The following DFFB variants were observed in gnomAD, a reference collection of about 807,000 sequenced individuals.
DFFB encodes DNA fragmentation factor 40 kDa subunit.
A neutral mutation model predicts 32.7 loss-of-function variants in DFFB; 29 were observed. The ratio of observed to expected loss-of-function variants is 0.89; its 90% CI spans 0.66 to 1.21. DFFB has a LOEUF of 1.21. DFFB is among the 50% of genes most tolerant of loss of function. The pLI is 0.00. For synonymous variants in DFFB, 170 were observed against 177.1 expected (o/e 0.96, Z 0.32); for missense variants, 398 against 440.6 (o/e 0.90, Z 0.87).
Position 3,865,914 on chromosome 1 carries a change from G to A in DFFB, c.344G>A (p.Arg115Lys), listed in dbSNP as rs1352301899. The change falls in exon 3 of 7, where the codon AGG (arginine) becomes AAG (lysine). Residue 115 changes from arginine to lysine, a missense_variant. Physicochemically the swap from Arg to Lys is conservative, Grantham distance 26 (BLOSUM62 2). Transcript: ENST00000378209. This position sits in a 1 kb window ranked among gnomAD's most constrained non-coding sequence, Gnocchi z 4.7. The stretch of plus-strand genomic sequence containing the variant: ...CTGTGTGATGAGCAGGCCCCACAGA[G>A]GCAGAGGCTGCTGGCTGACCTCCTG... ...QLLCDEQAPQ[R>K]QRLLADLLHN... 4 of 1,612,132 alleles carry A rather than the reference G, an allele frequency of 2.5e-6. No individual in the cohort carries two copies. Among genetic ancestry groups the A allele is most frequent in the South Asian group, 1.1e-5 (1 of 91,006 alleles).
intron 3 of DFFB, among the ~76,000 whole-genome samples, chr1:3,866,751 A>T (rs1362359808): frequency 6.6e-6 from 1 of 152,012 alleles, no homozygotes; most frequent in African/African-American, 2.4e-5. Flanking sequence ...GCCCCTGGCC[A>T]CCACCATTCC....
intron 4 of DFFB, among the ~76,000 whole-genome samples, chr1:3,868,785 G>C (rs1645051014): frequency 6.6e-6 from 1 of 151,176 alleles, no homozygotes; most frequent in Non-Finnish European, 1.5e-5. Context: ...CCCTGCAATG[G>C]GTGTCCTGTC....
chr1:3,859,067 T>C (rs564625197), intron 2 of DFFB, among the ~76,000 whole-genome samples: 4 of 152,330 alleles, frequency 2.6e-5, no homozygotes, highest in African/African-American at 7.2e-5. Context: ...GGTCGTCTTT[T>C]TCTTCAAAAA....
chr1:3,863,515 T>C (rs1258967893), intron 2 of DFFB, among the ~76,000 whole-genome samples: 3 of 152,178 alleles, frequency 2.0e-5, no homozygotes, highest in Non-Finnish European at 4.4e-5. Flanking sequence ...CCTAGGTATG[T>C]ACCCAAGAGA....
chr1:3,874,870 T>C (rs575107726), intron 6 of DFFB, among the ~76,000 whole-genome samples: 7 of 151,872 alleles, frequency 4.6e-5, no homozygotes, highest in Non-Finnish European at 8.8e-5. Flanking sequence ...AACGTGCACA[T>C]ACGTGGCCTC....
intron 5 of DFFB, among the ~76,000 whole-genome samples, chr1:3,871,608 TCCCTAAAGCAGTATA>T (rs1645113993): frequency 6.6e-6 from 1 of 152,110 alleles, no homozygotes. Flanking sequence ...ACTCTGAATC[TCCCTAAAGCAGTATA>T]CCCTGGAGCA....
chr1:3,869,151 C>T (rs893566981), intron 4 of DFFB, among the ~76,000 whole-genome samples: 1 of 152,246 alleles, frequency 6.6e-6, no homozygotes, highest in African/African-American at 2.4e-5. Flanking sequence ...CCTCTGCCTT[C>T]CAGGTTCAAG....
At chr1:3,858,425 T>C (rs1230169800) in intron 1 of DFFB, among the ~76,000 whole-genome samples, 3 of 152,244 alleles carry the variant, frequency 2.0e-5, no homozygotes, top group Non-Finnish European at 1.5e-5. Flanking sequence ...AGACAGGCTC[T>C]ATTTGAAGCG....
At position 3,869,779 on chromosome 1, in the gene DFFB, A is replaced by T. The variant is rs573164898; in HGVS notation, c.681+4A>T. On this transcript the variant is annotated splice_donor_region_variant and intron_variant, in intron 5 of 6. Transcript: ENST00000378209. ...GGAAGGCTGGTTCTCCTGCCAGGTG[A>T]GCTGTGTGCCCTTTATCCTGGGGCC... 6.3e-7 allele frequency: 1 copy of T among 1,597,386 alleles called. No individual in the cohort carries two copies. Among genetic ancestry groups the T allele is most frequent in the African/African-American group, 1.3e-5 (1 of 74,650 alleles).
At chr1:3,874,677 G>A (rs1645187661) in intron 6 of DFFB, among the ~76,000 whole-genome samples, 2 of 140,044 alleles carry the variant, frequency 1.4e-5, no homozygotes, top group African/African-American at 2.7e-5. Flanking sequence ...CCGTGTAGCT[G>A]CACCTTTACC....
chr1:3,862,064 A>T (rs1241362393), intron 2 of DFFB, among the ~76,000 whole-genome samples: 1 of 152,250 alleles, frequency 6.6e-6, no homozygotes, highest in Non-Finnish European at 1.5e-5. Context: ...CAAATATAGA[A>T]ATACACTTCC....
At chr1:3,873,470 A>C (rs1306378638) in intron 6 of DFFB, among the ~76,000 whole-genome samples, 3 of 144,152 alleles carry the variant, frequency 2.1e-5, no homozygotes, top group African/African-American at 5.2e-5. Context: ...GGCATTTAGG[A>C]TTTGGGATTT....
At chr1:3,880,309 G>A (rs1447613001) in intron 6 of DFFB, among the ~76,000 whole-genome samples, 1 of 152,202 alleles carries the variant, frequency 6.6e-6, no homozygotes, top group African/African-American at 2.4e-5. Flanking sequence ...GGAAGCTCTG[G>A]GATTGGAACC....
chr1:3,878,191 G>GC (rs1553170939), intron 6 of DFFB, among the ~76,000 whole-genome samples: 2 of 149,476 alleles, frequency 1.3e-5, no homozygotes, highest in Non-Finnish European at 3.0e-5. Flanking sequence ...TTGCTGTGTC[G>GC]CCCGGGCTGG....
intron 6 of DFFB, chr1:3,873,123 T>A: frequency 2.2e-6 from 1 of 448,420 alleles, no homozygotes; most frequent in South Asian, 2.6e-5. Flanking sequence ...GCCTCCTGAG[T>A]CGCTGGGACT....
chr1:3,863,848 T>G (rs1430905115), intron 2 of DFFB, among the ~76,000 whole-genome samples: 1 of 152,116 alleles, frequency 6.6e-6, no homozygotes, highest in African/African-American at 2.4e-5. Context: ...GGAGGGAGGT[T>G]GGTAGCTAAA....
At chr1:3,876,408 G>A (rs77838018) in intron 6 of DFFB, among the ~76,000 whole-genome samples, 5,564 of 152,142 alleles carry the variant, frequency 0.037, 349 homozygotes, top group African/African-American at 0.13. Flanking sequence ...TGTTTGCTGC[G>A]GTTATATTTT....
Position 3,865,859 on chromosome 1 carries a change from G to A in DFFB, c.289G>A (p.Val97Met), listed in dbSNP as rs1246485586. The A allele has an allele frequency of 1.2e-6, 2 of 1,614,170 alleles. No homozygotes were observed. The highest frequency in any genetic ancestry group is 1.7e-6 in the Non-Finnish European group (2 of 1,180,030). ...CCTCAGTGCATTTCACGAGCCACAG[G>A]TGGGGCTCATCCAGGCCGCCCAGCA... ...RFLSAFHEPQ[V>M]GLIQAAQQLL... Residue 97 changes from valine to methionine, a missense_variant, in exon 3 of 7, where the codon GTG (valine) becomes ATG (methionine). Val to Met is a conservative substitution (Grantham distance 21). Coordinates refer to ENST00000378209, the MANE Select transcript of DFFB (RefSeq NM_004402.4). The surrounding 1 kb of genome is among the most constrained non-coding windows in gnomAD (Gnocchi z 4.7).
intron 2 of DFFB, among the ~76,000 whole-genome samples, chr1:3,859,531 T>C (rs1270498917): frequency 6.6e-6 from 1 of 152,166 alleles, no homozygotes; most frequent in Non-Finnish European, 1.5e-5. Context: ...CTCCAGGAGA[T>C]GCTTCTGGCA....
Sources: gnomAD v4.1 joint callset for allele counts (sites outside exome capture counted in the v4.1 genomes callset) on GRCh38, gnomAD v4.1.1 for gene constraint, Gnocchi (gnomAD v3.1) non-coding constraint, MANE v1.5 for transcripts, NCBI Gene and HGNC (gene_info 2026-07-23, HGNC 2026-07-21) for gene names.